Variants in ESF1 observed in about 807,000 individuals in gnomAD.
ESF1 encodes the protein ESF1 homolog.
Under a neutral mutation model 92.0 loss-of-function variants are expected in ESF1, and 58 were observed. The observed-to-expected ratio is 0.63, with a 90% CI of 0.51 to 0.78. ESF1 has a LOEUF of 0.78. Among genes scored for constraint, ESF1 ranks in the 30% least tolerant of loss-of-function variants. ESF1 has a pLI of 0.00. For synonymous variants in ESF1, 321 were observed against 313.7 expected (o/e 1.02, Z -0.24); for missense variants, 922 against 989.1 (o/e 0.93, Z 0.91).
chr20:13,731,908 G>A (rs2049945966), intron 10 of ESF1, among the ~76,000 whole-genome samples: 1 of 152,226 alleles, frequency 6.6e-6, no homozygotes, highest in Non-Finnish European at 1.5e-5. Flanking sequence ...GGTTCCTGGA[G>A]GGTGGAGCGC....
chr20:13,748,753 T>A (rs1233091369), intron 9 of ESF1, among the ~76,000 whole-genome samples: 6 of 150,664 alleles, frequency 4.0e-5, no homozygotes, highest in African/African-American at 1.2e-4. Flanking sequence ...GGCCGGCTAA[T>A]TTTTTTTGTA....
At chr20:13,771,916 T>C (rs903742836) in intron 5 of ESF1, among the ~76,000 whole-genome samples, 3 of 146,596 alleles carry the variant, frequency 2.0e-5, no homozygotes, top group East Asian at 1.9e-4. Flanking sequence ...CACATTCTTT[T>C]TTTTTTTTTT....
rs138233570 is a variant in ESF1 at position 13,770,187 on chromosome 20, T to C, written c.1404-166A>G. Among the ~76,000 whole-genome samples, 6 of 152,376 alleles carry C rather than the reference T, an allele frequency of 3.9e-5. No individual in the cohort carries two copies. The East Asian group carries it at 1.2e-3, about 29-fold the overall frequency. Reference sequence around the variant, plus strand: ...CTTTGTATATTTCTGAATGAATTCATCTTTGTATAAATTTCTGAAATTCAT... The same window carrying C: ...CTTTGTATATTTCTGAATGAATTCACCTTTGTATAAATTTCTGAAATTCAT... On this transcript the variant is annotated intron_variant, in intron 6 of 13. Transcript: ENST00000617257.
At position 13,776,096 on chromosome 20, in the gene ESF1, CCATCGT is replaced by C. The variant is rs1448304850; in HGVS notation, c.806_811del (p.Asp269_Asp270del). 2 of 1,613,768 alleles carry C rather than the reference CCATCGT, an allele frequency of 1.2e-6. No homozygotes were observed. The highest frequency in any genetic ancestry group is 1.3e-5 in the African/African-American group (1 of 74,924). ...ATCCTCCTCTTCATCATCTTCACTT[CCATCGT>C]CATCACCTGAAGCTCTACCAACACT... On this transcript the variant is annotated inframe_deletion, in exon 3 of 14. Coordinates refer to ENST00000617257, the MANE Select transcript of ESF1 (RefSeq NM_001276380.2).
intron 13 of ESF1, among the ~76,000 whole-genome samples, chr20:13,715,718 T>C (rs1383126356): frequency 6.6e-6 from 1 of 152,166 alleles, no homozygotes; most frequent in Admixed American, 6.5e-5. Flanking sequence ...AAGCCCCAGA[T>C]TTATCTTCTT....
At position 13,731,531 on chromosome 20, in the gene ESF1, CAAAAAAAA is replaced by C. The variant is rs35867169; in HGVS notation, c.1950+2182_1950+2189del. Among the ~76,000 whole-genome samples the C allele has an allele frequency of 1.3e-4, 9 of 71,512 alleles. No individual in the cohort carries two copies. In the South Asian group the frequency reaches 4.7e-3, roughly 38 times the overall value. 46.9% of individuals were successfully genotyped at this position (71,512 alleles called of 152,430 possible). A position where few individuals can be genotyped will look rare whatever the true frequency, so the allele number is the denominator to read the frequency against. On this transcript the variant is annotated intron_variant, in intron 10 of 13. Coordinates refer to ENST00000617257, the MANE Select transcript of ESF1 (RefSeq NM_001276380.2). ...TGGGCGACAGAGCGAGACTCGGTCT[CAAAAAAAA>C]AAAAAAAAAAAAAAAGATATTTTAC...
At chr20:13,768,399 A>G (rs1979524758) in intron 7 of ESF1, among the ~76,000 whole-genome samples, 1 of 152,120 alleles carries the variant, frequency 6.6e-6, no homozygotes, top group African/African-American at 2.4e-5. Flanking sequence ...CCTGACTAAC[A>G]TGGTGAAACC....
intron 11 of ESF1, among the ~76,000 whole-genome samples, chr20:13,727,215 C>T (rs2049906406): frequency 6.6e-6 from 1 of 152,118 alleles, no homozygotes; most frequent in Non-Finnish European, 1.5e-5. Flanking sequence ...TTTCCTGAAA[C>T]CAGAGGATAA....
intron 8 of ESF1, among the ~76,000 whole-genome samples, chr20:13,761,283 C>A (rs1957169705): frequency 6.6e-6 from 1 of 151,644 alleles, no homozygotes; most frequent in African/African-American, 2.4e-5. Context: ...AACCAGAGAT[C>A]TTTGTTCACT....
intron 10 of ESF1, among the ~76,000 whole-genome samples, chr20:13,730,920 T>C (rs995073806): frequency 1.3e-5 from 2 of 151,744 alleles, no homozygotes; most frequent in Admixed American, 6.6e-5. Context: ...GAGGAACAAA[T>C]GGGCAAAAAT....
intron 9 of ESF1, among the ~76,000 whole-genome samples, chr20:13,751,393 A>T (rs1194645794): frequency 6.6e-6 from 1 of 152,238 alleles, no homozygotes; most frequent in Non-Finnish European, 1.5e-5. Context: ...CACTTGTGGC[A>T]GATTGCAAGT....
chr20:13,747,425 G>A (rs2050057944), intron 9 of ESF1, among the ~76,000 whole-genome samples: 1 of 151,862 alleles, frequency 6.6e-6, no homozygotes, highest in Non-Finnish European at 1.5e-5. Context: ...TGGGCGTGGT[G>A]GTGCACACCT....
At chr20:13,762,564 G>A (rs893124052) in intron 8 of ESF1, among the ~76,000 whole-genome samples, 50 of 152,256 alleles carry the variant, frequency 3.3e-4, no homozygotes, top group Middle Eastern at 3.4e-3. Flanking sequence ...TGTGGGATAA[G>A]TCATGTAGCT....
rs149605887 is a variant in ESF1, at chr20:13,769,908, G to A, written c.1517C>T (p.Thr506Met). 245 of 1,590,898 alleles carry A rather than the reference G, an allele frequency of 1.5e-4. 3 individuals are homozygous for A. The Admixed American group carries it at 2.4e-3, about 15-fold the overall frequency. ...YFTSAAMGTS[T>M]VEITWDETDH... ...ATATTTTTTAAAGTAAAGAAATACC[G>A]TTGATGTTCCCATTGCAGCAGAAGT... Residue 506 changes from threonine to methionine, a missense_variant and splice_region_variant, in exon 7 of 14, where the codon ACG (threonine) becomes ATG (methionine). By Grantham distance (81) the Thr-to-Met change is moderately conservative. Transcript: ENST00000617257.
chr20:13,714,915 T>C lies in ESF1; in HGVS notation c.2515A>G (p.Thr839Ala), dbSNP rs1051251896. The change falls in exon 14 of 14, where the codon ACA (threonine) becomes GCA (alanine). Residue 839 changes from threonine (T) to alanine (A), a missense_variant. By Grantham distance (58) the Thr-to-Ala change is moderately conservative. Transcript: ENST00000617257. ...SMLIKSIKTK[T>A]EQFQARKKQK... ...TTTTTTCTTGCTTGAAACTGCTCTG[T>C]TTTGGTTTTTATAGATTTAATCAAC... The C allele has an allele frequency of 1.2e-6, 2 of 1,612,476 alleles. No homozygotes were observed. Among genetic ancestry groups the C allele is most frequent in the Non-Finnish European group, 1.7e-6 (2 of 1,179,450 alleles).
chr20:13,746,458 T>A (rs372103641), intron 9 of ESF1, among the ~76,000 whole-genome samples: 9 of 152,306 alleles, frequency 5.9e-5, no homozygotes, highest in African/African-American at 2.2e-4. Context: ...TTACTCCCCA[T>A]CAAAATGATA....
At chr20:13,766,989 G>T in intron 7 of ESF1, 65 bp from the exon 8 acceptor site, 3 of 1,493,634 alleles carry the variant, frequency 2.0e-6, no homozygotes, top group Non-Finnish European at 9.1e-7. Context: ...ACTTGTTAAA[G>T]AATATATACT....
chr20:13,780,666 C>G (rs1481386787), intron 2 of ESF1, among the ~76,000 whole-genome samples: 2 of 152,108 alleles, frequency 1.3e-5, no homozygotes, highest in East Asian at 3.8e-4. Flanking sequence ...GACCTCTTGG[C>G]CTATCAAGAC....
At position 13,733,758 on chromosome 20, in the gene ESF1, T is replaced by C. The variant is rs1312259546; in HGVS notation, c.1913A>G (p.Lys638Arg). 1.2e-6 allele frequency: 2 copies of C among 1,613,000 alleles called. No homozygotes were observed. Among genetic ancestry groups the C allele is most frequent in the African/African-American group, 1.3e-5 (1 of 74,876 alleles). Residue 638 changes from lysine (K) to arginine (R), a missense_variant, in exon 10 of 14, where the codon AAG becomes AGG. Transcript: ENST00000617257. ...TTTCAGTCTTTTTTTCTCTTTCTTCTTCTCTAAAAATTGTTCCCAAGGGGT... is the reference window on the plus strand; with the variant it reads ...TTTCAGTCTTTTTTTCTCTTTCTTCCTCTCTAAAAATTGTTCCCAAGGGGT... ...KLTPWEQFLE[K>R]KKEKKRLKRK...
Sources: allele counts gnomAD v4.1 joint callset (sites outside exome capture counted in the v4.1 genomes callset), GRCh38; gene constraint gnomAD v4.1.1; transcripts MANE v1.5; gene names NCBI Gene and HGNC (gene_info 2026-07-23, HGNC 2026-07-21).